Variants in SIL1 observed in about 807,000 individuals in gnomAD.
The protein encoded by SIL1 is nucleotide exchange factor SIL1.
SIL1 carries 40 observed loss-of-function variants against 49.1 expected under a neutral mutation model. The ratio of observed to expected loss-of-function variants is 0.81; its 90% CI spans 0.63 to 1.06. SIL1 has a LOEUF of 1.06. Among genes scored for constraint, SIL1 ranks in the 50% least tolerant of loss-of-function variants. The probability of loss-of-function intolerance (pLI) is 0.00; values close to 1 mark genes in which losing one functional copy is unlikely to be tolerated. For synonymous variants in SIL1, 253 were observed against 250.8 expected (o/e 1.01, Z -0.08); for missense variants, 500 against 572.6 (o/e 0.87, Z 1.29).
chr5:139,056,722 C>CCCCGCCCGGCCAGCT (rs1769449958), intron 3 of SIL1, among the ~76,000 whole-genome samples: 2 of 149,896 alleles, frequency 1.3e-5, no homozygotes, highest in South Asian at 4.2e-4. Context: ...CCCGGCCAGC[C>CCCCGCCCGGCCAGCT]GCCCCGCCCG....
chr5:139,137,061 G>A, intron 1 of SIL1, among the ~76,000 whole-genome samples: 1 of 152,194 alleles, frequency 6.6e-6, no homozygotes, highest in Non-Finnish European at 1.5e-5. Flanking sequence ...CTTCCACTTT[G>A]TGGAAATGTA....
intron 3 of SIL1, among the ~76,000 whole-genome samples, chr5:139,056,532 G>C (rs1353916415): frequency 6.8e-6 from 1 of 147,188 alleles, no homozygotes; most frequent in African/African-American, 2.5e-5. Flanking sequence ...CAGCCGCCCC[G>C]TCCGGGAGGG....
intron 7 of SIL1, among the ~76,000 whole-genome samples, chr5:138,968,234 C>T (rs1767191610): frequency 6.6e-6 from 1 of 152,052 alleles, no homozygotes; most frequent in African/African-American, 2.4e-5. Context: ...CACAGTGCCT[C>T]CACCACAGAA....
At chr5:139,194,836 CA>C (rs1280772621) in intron 1 of SIL1, among the ~76,000 whole-genome samples, 2 of 152,038 alleles carry the variant, frequency 1.3e-5, no homozygotes, top group Non-Finnish European at 2.9e-5. Context: ...TGAAGAAAGA[CA>C]GGGGGAGGCT....
At chr5:138,983,487 G>A (rs1392993453) in intron 7 of SIL1, among the ~76,000 whole-genome samples, 2 of 150,726 alleles carry the variant, frequency 1.3e-5, no homozygotes, top group Admixed American at 6.6e-5. Context: ...CAGCCTGGGC[G>A]ACAGAGCGAG....
At chr5:138,962,544 T>C (rs1437126230) in intron 7 of SIL1, among the ~76,000 whole-genome samples, 1 of 152,250 alleles carries the variant, frequency 6.6e-6, no homozygotes, top group Non-Finnish European at 1.5e-5. Context: ...TTTATATACA[T>C]AAACATACCC....
At chr5:139,001,255 A>T (rs889648554) in intron 7 of SIL1, among the ~76,000 whole-genome samples, 2 of 152,224 alleles carry the variant, frequency 1.3e-5, no homozygotes, top group Non-Finnish European at 2.9e-5. Flanking sequence ...TTTTTGAAAC[A>T]TAGTGGTTTA....
chr5:139,058,541 G>T (rs1468879189), intron 3 of SIL1, among the ~76,000 whole-genome samples: 1 of 152,090 alleles, frequency 6.6e-6, no homozygotes, highest in East Asian at 1.9e-4. Context: ...TTCACTCCAA[G>T]AAAAAATTGT....
chr5:139,066,900 C>T (rs1259675402), intron 3 of SIL1, among the ~76,000 whole-genome samples: 1 of 152,040 alleles, frequency 6.6e-6, no homozygotes, highest in African/African-American at 2.4e-5. Context: ...GACAGGGTTT[C>T]GCCATGTTGC....
At chr5:139,055,330 T>C (rs2150458042) in intron 3 of SIL1, among the ~76,000 whole-genome samples, 1 of 152,170 alleles carries the variant, frequency 6.6e-6, no homozygotes, top group South Asian at 2.1e-4. Context: ...ACAACTCTTG[T>C]TTTCTGGGTT....
intron 3 of SIL1, 73 bp downstream of exon 3, chr5:139,120,962 C>G: frequency 6.3e-7 from 1 of 1,580,516 alleles, no homozygotes; most frequent in Non-Finnish European, 8.7e-7. Flanking sequence ...GAAGGAGCAG[C>G]CCTCTGGGGA....
chr5:139,182,112 A>G (rs1425240495), intron 1 of SIL1, among the ~76,000 whole-genome samples: 1 of 152,192 alleles, frequency 6.6e-6, no homozygotes, highest in Non-Finnish European at 1.5e-5. Context: ...CTCTTGGGAC[A>G]TGTGTGGCCA....
intron 6 of SIL1, among the ~76,000 whole-genome samples, chr5:139,024,932 T>C (rs1290143476): frequency 6.6e-6 from 1 of 152,162 alleles, no homozygotes; most frequent in African/African-American, 2.4e-5. Flanking sequence ...CTAGGCATGT[T>C]CCCACCACCG....
chr5:139,096,081 A>AC lies in SIL1; in HGVS notation c.244+24953dup, dbSNP rs199547509. Among the ~76,000 whole-genome samples the AC allele has an allele frequency of 5.3e-4, 80 of 151,918 alleles. No homozygotes were observed. In the East Asian group the frequency reaches 0.014, roughly 27 times the overall value. On this transcript the variant is annotated intron_variant, in intron 3 of 9. Transcript: ENST00000394817. ...AGATAGCCTTGGATTGCTAACGCCCACCCCCCCAACAGTGGCAGTATGGTA... is the reference window on the plus strand; with the variant it reads ...AGATAGCCTTGGATTGCTAACGCCCACCCCCCCCAACAGTGGCAGTATGGTA...
intron 1 of SIL1, among the ~76,000 whole-genome samples, chr5:139,154,758 A>C (rs1342516095): frequency 6.6e-6 from 1 of 152,232 alleles, no homozygotes; most frequent in Non-Finnish European, 1.5e-5. Context: ...TCACCAAGCC[A>C]AGTGAGCCAG....
chr5:139,100,956 T>C (rs1770574148), intron 3 of SIL1, among the ~76,000 whole-genome samples: 2 of 151,526 alleles, frequency 1.3e-5, no homozygotes. Flanking sequence ...AGCATACAGA[T>C]GAAACATGAA....
At chr5:139,049,418 C>A (rs920386961) in intron 4 of SIL1, among the ~76,000 whole-genome samples, 1 of 152,184 alleles carries the variant, frequency 6.6e-6, no homozygotes, top group African/African-American at 2.4e-5. Context: ...CTTAGGTGAT[C>A]CGCCGGCCTC....
intron 7 of SIL1, among the ~76,000 whole-genome samples, chr5:138,967,457 T>C (rs1580990631): frequency 6.6e-6 from 1 of 152,320 alleles, no homozygotes; most frequent in Admixed American, 6.5e-5. Flanking sequence ...GGACCCAGCA[T>C]TGGCCAGAAG....
chr5:139,048,906 G>A (rs1769228361), intron 4 of SIL1, among the ~76,000 whole-genome samples: 1 of 152,344 alleles, frequency 6.6e-6, no homozygotes, highest in East Asian at 1.9e-4. Context: ...GGCCTACCTG[G>A]AGGAATGAGG....
Sources: gnomAD v4.1 joint callset for allele counts (sites outside exome capture counted in the v4.1 genomes callset) on GRCh38, gnomAD v4.1.1 for gene constraint, MANE v1.5 for transcripts, NCBI Gene and HGNC (gene_info 2026-07-23, HGNC 2026-07-21) for gene names.